Variants in ROBO1 observed in about 807,000 individuals in gnomAD.
ROBO1 encodes the protein roundabout guidance receptor 1, also known as roundabout homolog 1.
ROBO1 carries 149 observed loss-of-function variants against 195.9 expected under a neutral mutation model. The ratio of observed to expected loss-of-function variants is 0.76; its 90% CI spans 0.67 to 0.87. ROBO1 has a LOEUF of 0.87. Among genes scored for constraint, ROBO1 ranks in the 40% least tolerant of loss-of-function variants. ROBO1 has a pLI of 0.00. For missense variants in ROBO1, 1,933 were observed against 2,068.3 expected (o/e 0.93, Z 1.27); for synonymous variants, 816 against 733.2 (o/e 1.11, Z -1.82).
At chr3:79,719,056 T>C (rs1347611945) in intron 1 of ROBO1, among the ~76,000 whole-genome samples, 1 of 152,036 alleles carries the variant, frequency 6.6e-6, no homozygotes, top group Non-Finnish European at 1.5e-5. Flanking sequence ...ACATTATTTA[T>C]ACTCAATGGC....
chr3:78,762,789 T>G (rs969609097), intron 4 of ROBO1, among the ~76,000 whole-genome samples: 1 of 152,074 alleles, frequency 6.6e-6, no homozygotes, highest in Non-Finnish European at 1.5e-5. Context: ...CAAACTATGC[T>G]GTTTAATCAT....
intron 7 of ROBO1, among the ~76,000 whole-genome samples, chr3:78,716,321 G>T (rs1471399751): frequency 2.0e-5 from 3 of 152,158 alleles, no homozygotes; most frequent in African/African-American, 7.2e-5. Flanking sequence ...CCACATGGCT[G>T]GGGAGACCTC....
Position 78,627,546 on chromosome 3 carries a change from G to A in ROBO1, c.3650C>T (p.Pro1217Leu). Residue 1217 changes from proline to leucine, a missense_variant, in exon 26 of 31, where the codon CCC becomes CTC. Pro to Leu is a moderately conservative substitution (Grantham distance 98). Transcript: ENST00000464233. ...DESYDQEMPC[P>L]VPPARMYLQQ... ...CAAATACATCCTTGCTGGTGGCACG[G>A]GACATGGCATTTCTTGGTCATAGCT... is the stretch of plus-strand genomic sequence containing the variant. 2 of 1,612,742 alleles carry A rather than the reference G, an allele frequency of 1.2e-6. No individual in the cohort carries two copies. Among genetic ancestry groups the A allele is most frequent in the Non-Finnish European group, 1.7e-6 (2 of 1,179,374 alleles).
chr3:79,628,673 C>T (rs2108014095), intron 1 of ROBO1, among the ~76,000 whole-genome samples: 1 of 152,064 alleles, frequency 6.6e-6, no homozygotes, highest in Admixed American at 6.6e-5. Context: ...ACAACAATGG[C>T]CTAAATGCTC....
At chr3:79,600,082 T>G (rs1439580045) in intron 1 of ROBO1, among the ~76,000 whole-genome samples, 1 of 151,984 alleles carries the variant, frequency 6.6e-6, no homozygotes, top group East Asian at 1.9e-4. Context: ...ACTAGCTCAG[T>G]CAGATGAATT....
chr3:79,624,345 C>T (rs1052231433), intron 1 of ROBO1, among the ~76,000 whole-genome samples: 3 of 151,960 alleles, frequency 2.0e-5, no homozygotes, highest in African/African-American at 7.3e-5. Context: ...ACATACATAA[C>T]AATACTAAAC....
At chr3:78,642,148 A>T (rs1706004987) in intron 21 of ROBO1, among the ~76,000 whole-genome samples, 1 of 152,174 alleles carries the variant, frequency 6.6e-6, no homozygotes, top group African/African-American at 2.4e-5. Flanking sequence ...ATAGGGATTA[A>T]CATGTTTCTT....
chr3:79,434,941 T>C (rs566538067), intron 2 of ROBO1, among the ~76,000 whole-genome samples: 1 of 152,242 alleles, frequency 6.6e-6, no homozygotes, highest in East Asian at 1.9e-4. Flanking sequence ...GAAACCATCA[T>C]TCTCAGCAAA....
chr3:78,913,726 T>C (rs329825), intron 4 of ROBO1, among the ~76,000 whole-genome samples: 57,271 of 151,930 alleles, frequency 0.38, 11,503 homozygotes, highest in African/African-American at 0.53. Flanking sequence ...TGATTAAACT[T>C]TGAAATAAAA....
intron 4 of ROBO1, among the ~76,000 whole-genome samples, chr3:78,782,653 T>G (rs930295941): frequency 6.6e-6 from 1 of 152,214 alleles, no homozygotes; most frequent in Non-Finnish European, 1.5e-5. Flanking sequence ...CTTTCCTGAA[T>G]CTATAAACAC....
intron 4 of ROBO1, among the ~76,000 whole-genome samples, chr3:78,756,386 T>C (rs533762701): frequency 7.7e-4 from 117 of 152,212 alleles, no homozygotes; most frequent in African/African-American, 2.8e-3. Flanking sequence ...CAAGAACTAA[T>C]AACATATTAA....
chr3:79,089,939 CT>C (rs1177571028), intron 3 of ROBO1, among the ~76,000 whole-genome samples: 3 of 11,960 alleles, frequency 2.5e-4, no homozygotes, highest in Admixed American at 1.7e-3. Context: ...GTTATTCTTT[CT>C]TTTTTTTTTT....
intron 2 of ROBO1, among the ~76,000 whole-genome samples, chr3:79,239,228 G>A (rs1277180691): frequency 1.3e-5 from 2 of 152,096 alleles, no homozygotes; most frequent in African/African-American, 2.4e-5. Context: ...GCTATAAAGT[G>A]CACTCAAAAC....
At chr3:79,145,630 T>G (rs1465889178) in intron 2 of ROBO1, among the ~76,000 whole-genome samples, 1 of 151,778 alleles carries the variant, frequency 6.6e-6, no homozygotes, top group African/African-American at 2.4e-5. Flanking sequence ...GGAAAAAAAA[T>G]GTTGCCCGAC....
At chr3:78,840,030 CTG>C (rs1160279875) in intron 4 of ROBO1, among the ~76,000 whole-genome samples, 1 of 152,210 alleles carries the variant, frequency 6.6e-6, no homozygotes, top group East Asian at 1.9e-4. Flanking sequence ...CAATACGGGA[CTG>C]TGTCTTACCT....
intron 3 of ROBO1, among the ~76,000 whole-genome samples, chr3:79,090,416 C>T (rs1404461620): frequency 6.6e-6 from 1 of 151,886 alleles, no homozygotes; most frequent in Non-Finnish European, 1.5e-5. Context: ...AAGTGAACTT[C>T]CTTTCCCTTC....
chr3:78,629,525 C>G (rs1014768654), intron 25 of ROBO1, among the ~76,000 whole-genome samples: 28 of 151,930 alleles, frequency 1.8e-4, no homozygotes, highest in Non-Finnish European at 2.9e-5. Flanking sequence ...AATATCATCT[C>G]TACAAAAAAA....
chr3:79,019,291 C>G, intron 3 of ROBO1: 1 of 985,788 alleles, frequency 1.0e-6, no homozygotes, highest in Middle Eastern at 5.2e-4. Flanking sequence ...ACCCCTGGCT[C>G]GTGGAAGCTG....
intron 3 of ROBO1, among the ~76,000 whole-genome samples, chr3:79,090,247 A>G (rs990645906): frequency 6.6e-6 from 1 of 151,940 alleles, no homozygotes; most frequent in African/African-American, 2.4e-5. Context: ...CCATTTATTC[A>G]TTTTTTTAAA....
Sources: gnomAD v4.1 joint callset for allele counts (sites outside exome capture counted in the v4.1 genomes callset) on GRCh38, gnomAD v4.1.1 for gene constraint, MANE v1.5 for transcripts, NCBI Gene and HGNC (gene_info 2026-07-23, HGNC 2026-07-21) for gene names.